SPOCK1: variants seen among roughly 807,000 people sequenced by gnomAD.
SPOCK1 encodes the protein SPARC (osteonectin), cwcv and kazal like domains proteoglycan 1, also known as testican-1.
In SPOCK1, 23 loss-of-function variants were observed where a neutral mutation model predicts 55.3. That is an observed-to-expected ratio of 0.42 (90% CI 0.30 to 0.59). SPOCK1 has a LOEUF of 0.59. Among genes scored for constraint, SPOCK1 ranks in the 20% least tolerant of loss-of-function variants. The pLI, the probability that SPOCK1 is intolerant of heterozygous loss-of-function variation, is 0.22. For missense variants in SPOCK1, 499 were observed against 552.5 expected, an observed-to-expected ratio of 0.90 and a Z score of 0.97; for synonymous variants, 226 against 221.0, an observed-to-expected ratio of 1.02 and a Z score of -0.20.
intron 2 of SPOCK1, among the ~76,000 whole-genome samples, chr5:137,284,609 AG>A (rs1488299759): frequency 6.6e-6 from 1 of 152,186 alleles, no homozygotes; most frequent in Non-Finnish European, 1.5e-5. Flanking sequence ...GTCCATGGGA[AG>A]GGCCCTCGGG....
chr5:137,155,101 T>C (rs185587368), intron 3 of SPOCK1, among the ~76,000 whole-genome samples: 79 of 152,316 alleles, frequency 5.2e-4, no homozygotes, highest in Non-Finnish European at 1.0e-3. Context: ...TGCTTAACAT[T>C]GATCTTTGCA....
chr5:137,315,867 G>A (rs774520186), intron 2 of SPOCK1, among the ~76,000 whole-genome samples: 11 of 152,152 alleles, frequency 7.2e-5, no homozygotes, highest in Non-Finnish European at 1.5e-4. Context: ...TGCAGATTTT[G>A]ACTCAGTAGG....
chr5:137,218,946 G>A (rs189651620), intron 3 of SPOCK1, among the ~76,000 whole-genome samples: 128 of 152,308 alleles, frequency 8.4e-4, no homozygotes, highest in African/African-American at 3.0e-3. Context: ...CAAGCAGGCT[G>A]AAGTGGGACA....
chr5:137,156,699 C>T (rs1014331627), intron 3 of SPOCK1, among the ~76,000 whole-genome samples: 3 of 152,136 alleles, frequency 2.0e-5, no homozygotes, highest in Admixed American at 6.5e-5. Flanking sequence ...TCAAGGAATC[C>T]GTACAGCAAA....
chr5:136,990,672 T>G lies in SPOCK1; in HGVS notation c.706+1812A>C, dbSNP rs774272360. Reference sequence around the variant, plus strand: ...CCCTCAGGGGCTGCTGAATGAGAGATAATTTACTTTGGCACTACACAGCTC... The same window carrying G: ...CCCTCAGGGGCTGCTGAATGAGAGAGAATTTACTTTGGCACTACACAGCTC... On this transcript the variant is annotated intron_variant, in intron 7 of 10. Coordinates refer to ENST00000394945, the MANE Select transcript of SPOCK1 (RefSeq NM_004598.4). Among the ~76,000 whole-genome samples the G allele has an allele frequency of 3.5e-4, 53 of 151,772 alleles. 1 individual carries two copies. The highest frequency in any genetic ancestry group is 3.2e-3 in the Middle Eastern group (1 of 316).
intron 5 of SPOCK1, among the ~76,000 whole-genome samples, chr5:137,096,097 G>A (rs1174708249): frequency 6.6e-6 from 1 of 152,136 alleles, no homozygotes; most frequent in Non-Finnish European, 1.5e-5. Context: ...TTTGTTTGTA[G>A]GATATGATAA....
At chr5:137,212,119 G>A (rs1354468517) in intron 3 of SPOCK1, among the ~76,000 whole-genome samples, 1 of 152,198 alleles carries the variant, frequency 6.6e-6, no homozygotes, top group Non-Finnish European at 1.5e-5. Context: ...CATCTTGTGA[G>A]AGTGAGCCCT....
rs535891791 is a variant in SPOCK1 at position 137,412,705 on chromosome 5, C to T, written c.186+85668G>A. ...CCTTGGAACTTCAGTGGAGTCTTCA[C>T]CTGGGCCTGTGATCCAAGGCAGGGA... On this transcript the variant is annotated intron_variant, in intron 2 of 10. Coordinates refer to ENST00000394945, the MANE Select transcript of SPOCK1 (RefSeq NM_004598.4). Among the ~76,000 whole-genome samples the T allele has an allele frequency of 1.5e-4, 23 of 152,342 alleles. No individual in the cohort carries two copies. The South Asian group carries it at 4.3e-3, about 29-fold the overall frequency.
intron 6 of SPOCK1, among the ~76,000 whole-genome samples, chr5:137,064,086 G>A (rs1372183341): frequency 6.6e-6 from 1 of 152,114 alleles, no homozygotes; most frequent in East Asian, 1.9e-4. Context: ...GGTGAGTACA[G>A]GTCTCTCGGT....
intron 2 of SPOCK1, among the ~76,000 whole-genome samples, chr5:137,378,752 A>T (rs1391818049): frequency 6.6e-6 from 1 of 152,216 alleles, no homozygotes; most frequent in Non-Finnish European, 1.5e-5. Flanking sequence ...AGGCTGTTTT[A>T]TATAGACTAG....
chr5:137,346,531 T>G (rs988594564), intron 2 of SPOCK1, among the ~76,000 whole-genome samples: 3 of 152,186 alleles, frequency 2.0e-5, no homozygotes, highest in Non-Finnish European at 4.4e-5. Context: ...CAGCCTTTTC[T>G]AAAGCTGCAC....
intron 2 of SPOCK1, among the ~76,000 whole-genome samples, chr5:137,331,105 C>T (rs976835145): frequency 6.6e-6 from 1 of 152,280 alleles, no homozygotes; most frequent in South Asian, 2.1e-4. Flanking sequence ...CAAAGGAGGC[C>T]TGCTCTTCAC....
intron 5 of SPOCK1, among the ~76,000 whole-genome samples, chr5:137,072,988 C>A (rs1752647752): frequency 6.6e-6 from 1 of 152,208 alleles, no homozygotes; most frequent in African/African-American, 2.4e-5. Flanking sequence ...TGCCAACATG[C>A]TGTTCCTGGC....
intron 6 of SPOCK1, among the ~76,000 whole-genome samples, chr5:137,051,497 C>T (rs1752207634): frequency 6.6e-6 from 1 of 152,132 alleles, no homozygotes; most frequent in Non-Finnish European, 1.5e-5. Context: ...TTTATCTGGT[C>T]TCAGAGTAAG....
At chr5:137,328,781 A>G (rs1197132995) in intron 2 of SPOCK1, among the ~76,000 whole-genome samples, 1 of 152,212 alleles carries the variant, frequency 6.6e-6, no homozygotes, top group Non-Finnish European at 1.5e-5. Context: ...CGGCAGAACC[A>G]CACCACCAAC....
intron 2 of SPOCK1, among the ~76,000 whole-genome samples, chr5:137,459,088 C>T (rs967140065): frequency 2.0e-5 from 3 of 152,282 alleles, no homozygotes; most frequent in African/African-American, 7.2e-5. Flanking sequence ...TGCCCTATAT[C>T]GAGTGAGTGT....
chr5:137,367,257 T>A (rs576804160), intron 2 of SPOCK1, among the ~76,000 whole-genome samples: 1 of 152,154 alleles, frequency 6.6e-6, no homozygotes, highest in Non-Finnish European at 1.5e-5. Context: ...ACAAAATGCA[T>A]GATTGACAAG....
intron 3 of SPOCK1, among the ~76,000 whole-genome samples, chr5:137,140,998 G>A (rs1754085727): frequency 6.6e-6 from 1 of 152,014 alleles, no homozygotes; most frequent in Admixed American, 6.6e-5. Flanking sequence ...GACTTCAGAT[G>A]ATCCACCTGC....
intron 2 of SPOCK1, among the ~76,000 whole-genome samples, chr5:137,277,171 T>C (rs1055462569): frequency 2.0e-5 from 3 of 152,034 alleles, no homozygotes; most frequent in African/African-American, 7.3e-5. Flanking sequence ...TACACCACCA[T>C]GCCCAGCTAA....
Sources: gnomAD v4.1 joint callset for allele counts (sites outside exome capture counted in the v4.1 genomes callset) on GRCh38, gnomAD v4.1.1 for gene constraint, MANE v1.5 for transcripts, NCBI Gene and HGNC (gene_info 2026-07-23, HGNC 2026-07-21) for gene names.